BUB1: variants seen among roughly 807,000 people sequenced by gnomAD.
BUB1 encodes the protein mitotic checkpoint serine/threonine-protein kinase BUB1.
Under a neutral mutation model 135.2 loss-of-function variants are expected in BUB1, and 84 were observed. The observed-to-expected ratio is 0.62, with a 90% CI of 0.52 to 0.74. The LOEUF (loss-of-function observed/expected upper bound fraction) is 0.74, where lower values mean the gene tolerates loss of function less well. Among genes scored for constraint, BUB1 ranks in the 30% least tolerant of loss-of-function variants. The pLI, the probability that BUB1 is intolerant of heterozygous loss-of-function variation, is 0.00. For missense variants in BUB1, 1,162 were observed against 1,288.3 expected (o/e 0.90, Z 1.50); for synonymous variants, 403 against 434.4 (o/e 0.93, Z 0.90).
intron 3 of BUB1, among the ~76,000 whole-genome samples, 153 bp from the exon 4 acceptor site, chr2:110,673,010 T>C (rs1023321830): frequency 6.6e-6 from 1 of 152,228 alleles, no homozygotes; most frequent in Non-Finnish European, 1.5e-5. Context: ...GGTTGGACTT[T>C]TCAGCCCCAC....
chr2:110,666,758 A>T (rs1161348272), intron 8 of BUB1, among the ~76,000 whole-genome samples: 1 of 152,162 alleles, frequency 6.6e-6, no homozygotes, highest in African/African-American at 2.4e-5. Flanking sequence ...TTTAAAATAA[A>T]TTTTTATTTG....
At chr2:110,674,545 T>G (rs1574338048) in intron 1 of BUB1, among the ~76,000 whole-genome samples, 180 bp from the exon 2 acceptor site, 1 of 152,192 alleles carries the variant, frequency 6.6e-6, no homozygotes, top group African/African-American at 2.4e-5. Flanking sequence ...ATCCAAATAG[T>G]ATTTAAAATT....
chr2:110,672,840 G>A lies in BUB1; in HGVS notation c.243C>T (p.Asp81=), dbSNP rs1188776217. Residue 81 remains aspartate (D), a synonymous_variant, in exon 4 of 25, where the codon GAC becomes GAT. Transcript: ENST00000302759. ...YCLKFAEYNS[D]LHQFFEFLYN... ...ACAGAAACTCAAAAAATTGATGGAG[G>A]TCACTGTTGTACTCAGCCTACACGA... The A allele has an allele frequency of 6.2e-7, 1 of 1,608,326 alleles. No homozygotes were observed. Among genetic ancestry groups the A allele is most frequent in the Admixed American group, 1.7e-5 (1 of 58,528 alleles).
Position 110,650,655 on chromosome 2 carries a change from G to C in BUB1, c.2094C>G (p.Cys698Trp), listed in dbSNP as rs746740455. 1 of 1,613,968 alleles carries C rather than the reference G, an allele frequency of 6.2e-7. No homozygotes were observed. Among genetic ancestry groups the C allele is most frequent in the Non-Finnish European group, 8.5e-7 (1 of 1,179,954 alleles). The change falls in exon 18 of 25, where the codon TGC becomes TGG. Residue 698 changes from cysteine to tryptophan, a missense_variant. Transcript: ENST00000302759. ...TCEAELGVEA[C>W]RLTDTDAAIA... ...TGGCAGCGTCAGTGTCTGTGAGTCT[G>C]CAAGCCTCAACGCCCAACTCTGCCT...
Position 110,639,861 on chromosome 2 carries a change from T to G in BUB1, c.2956-13A>C, listed in dbSNP as rs755314258. ...CAAAGTAATCGATCTATGAAGAAGA[T>G]AGAGGTATATATGACTTAAATAGTA... On this transcript the variant is annotated splice_polypyrimidine_tract_variant and intron_variant, in intron 23 of 24. Transcript: ENST00000302759. 1 of 1,589,934 alleles carries G rather than the reference T, an allele frequency of 6.3e-7. No individual in the cohort carries two copies. The highest frequency in any genetic ancestry group is 1.1e-5 in the South Asian group (1 of 90,538).
In BUB1 at chr2:110,648,860, T is replaced by G. The variant is rs1689711089; in HGVS notation, c.2347+374A>C. The stretch of plus-strand genomic sequence containing the variant: ...CAGTATGGTATGTTTTGGAGCTCAT[T>G]CCCTATCAGTACAGAGTGAGCTTTC... On this transcript the variant is annotated intron_variant, in intron 19 of 24. Coordinates refer to ENST00000302759, the MANE Select transcript of BUB1 (RefSeq NM_004336.5). This position sits in a 1 kb window ranked among gnomAD's most constrained non-coding sequence, Gnocchi z 4.2. 1 of 154,130 alleles carries G rather than the reference T, an allele frequency of 6.5e-6. No individual in the cohort carries two copies. Among genetic ancestry groups the G allele is most frequent in the African/African-American group, 2.4e-5 (1 of 41,522 alleles). The allele number at this position is 154,130 out of a possible 1,614,324, so 9.5% of individuals were successfully genotyped here.
In BUB1 at chr2:110,667,678, T is replaced by C. The variant is rs772073884; in HGVS notation, c.648A>G (p.Lys216=). 1 of 1,613,332 alleles carries C rather than the reference T, an allele frequency of 6.2e-7. No homozygotes were observed. Among genetic ancestry groups the C allele is most frequent in the South Asian group, 1.1e-5 (1 of 90,770 alleles). The change falls in exon 8 of 25, where the codon AAA becomes AAG. Residue 216 remains lysine (K), a synonymous_variant. Transcript: ENST00000302759. ...NMERRVITIS[K]SEYSVHSSLA... is the part of the protein sequence containing the mutation. Reference sequence around the variant, plus strand: ...AAGATGAGTGCACAGAATATTCTGATTTAGAAATCGTGATCACTCTTCGTT... The same window carrying C: ...AAGATGAGTGCACAGAATATTCTGACTTAGAAATCGTGATCACTCTTCGTT...
At chr2:110,670,483 C>T (rs1165952570) in intron 5 of BUB1, 42 bp downstream of exon 5, 3 of 1,606,238 alleles carry the variant, frequency 1.9e-6, no homozygotes, top group Admixed American at 1.7e-5. Flanking sequence ...AAATCCAAGA[C>T]TAAATGGACA....
In BUB1 at chr2:110,650,871, C is replaced by G. The variant is rs902866952; in HGVS notation, c.1965-87G>C. On this transcript the variant is annotated intron_variant, in intron 17 of 24. Coordinates refer to ENST00000302759, the MANE Select transcript of BUB1 (RefSeq NM_004336.5). ...AGTCACATGAAATTCCCTTCTCATT[C>G]TAGAAATGACATTTCACAATAGCCT... is the stretch of plus-strand genomic sequence containing the variant. 4 of 1,255,666 alleles carry G rather than the reference C, an allele frequency of 3.2e-6. No individual in the cohort carries two copies. In the African/African-American group the frequency reaches 6.0e-5, roughly 19 times the overall value. The allele number at this position is 1,255,666 out of a possible 1,614,324, so 77.8% of individuals were successfully genotyped here. A position where few individuals can be genotyped will look rare whatever the true frequency, so the allele number is the denominator to read the frequency against.
intron 9 of BUB1, among the ~76,000 whole-genome samples, chr2:110,665,243 A>G (rs932045002): frequency 4.6e-5 from 7 of 152,230 alleles, no homozygotes; most frequent in Admixed American, 3.9e-4. Flanking sequence ...TTCATACACA[A>G]TAAGTCTGGA....
At chr2:110,649,507 T>A in intron 18 of BUB1, 130 bp from the exon 19 acceptor site, 2 of 846,468 alleles carry the variant, frequency 2.4e-6, no homozygotes, top group Non-Finnish European at 3.4e-6. Context: ...ATAAGAGTAT[T>A]AATTCAAAAT....
Position 110,650,592 on chromosome 2 carries a change from T to C in BUB1, c.2157A>G (p.Gln719=), listed in dbSNP as rs773393098. 6.2e-7 allele frequency: 1 copy of C among 1,613,920 alleles called. No individual in the cohort carries two copies. The highest frequency in any genetic ancestry group is 8.5e-7 in the Non-Finnish European group (1 of 1,179,930). Residue 719 remains glutamine (Q), a synonymous_variant, in exon 18 of 25, where the codon CAA becomes CAG. Transcript: ENST00000302759. ...GTGAACTCATCTGCATCCATTCTGC[T>C]TGGAGCCCAGCAATAGCATCTGGTG... ...EDPPDAIAGL[Q]AEWMQMSSLG... is the part of the protein sequence containing the mutation.
At chr2:110,655,289 T>A (rs1169144618) in intron 16 of BUB1, among the ~76,000 whole-genome samples, 3 of 152,202 alleles carry the variant, frequency 2.0e-5, no homozygotes, top group African/African-American at 7.2e-5. Flanking sequence ...AAAGTTGACA[T>A]ATATGTGTGT....
chr2:110,642,431 G>T, intron 19 of BUB1, 197 bp from the exon 20 acceptor site: 2 of 352,912 alleles, frequency 5.7e-6, no homozygotes, highest in Non-Finnish European at 1.0e-5. Flanking sequence ...TATTAACTAA[G>T]CTCTACATCT....
At chr2:110,651,042 G>A (rs949604171) in intron 17 of BUB1, among the ~76,000 whole-genome samples, 8 of 152,146 alleles carry the variant, frequency 5.3e-5, no homozygotes, top group Non-Finnish European at 5.9e-5. Flanking sequence ...TTCTTTAGTA[G>A]GAAATGTCAG....
At chr2:110,645,127 A>T (rs1689608169) in intron 19 of BUB1, among the ~76,000 whole-genome samples, 1 of 152,184 alleles carries the variant, frequency 6.6e-6, no homozygotes, top group African/African-American at 2.4e-5. Flanking sequence ...TTAAATACCA[A>T]GACAGATGAA....
At position 110,655,720 on chromosome 2, in the gene BUB1, A is replaced by T. The variant is rs762356508; in HGVS notation, c.1876+19T>A. The T allele has an allele frequency of 4.4e-6, 7 of 1,575,796 alleles. No homozygotes were observed. In the Admixed American group the frequency reaches 1.2e-4, roughly 27 times the overall value. On this transcript the variant is annotated intron_variant, in intron 16 of 24. Transcript: ENST00000302759. ...TCAAAGTTGGCAGAAGACAGACACT[A>T]AAACAGTGTAACACACACCTTTATC...
At chr2:110,645,162 G>A (rs1325206325) in intron 19 of BUB1, among the ~76,000 whole-genome samples, 1 of 152,018 alleles carries the variant, frequency 6.6e-6, no homozygotes, top group Non-Finnish European at 1.5e-5. Flanking sequence ...GCCCAGGTGC[G>A]GTGGCTCACA....
chr2:110,673,940 A>T, intron 3 of BUB1, 146 bp downstream of exon 3: 1 of 694,430 alleles, frequency 1.4e-6, no homozygotes, highest in Non-Finnish European at 2.3e-6. Context: ...AAGTCTGTTG[A>T]ATCAGAGAAT....
Sources: allele counts gnomAD v4.1 joint callset (sites outside exome capture counted in the v4.1 genomes callset), GRCh38; gene constraint gnomAD v4.1.1; non-coding constraint Gnocchi (gnomAD v3.1); transcripts MANE v1.5; gene names NCBI Gene and HGNC (gene_info 2026-07-23, HGNC 2026-07-21).